The following FUS variants were observed in gnomAD, a reference collection of about 807,000 sequenced individuals.
FUS encodes the protein FUS RNA binding protein, also known as RNA-binding protein FUS.
FUS carries 5 observed loss-of-function variants against 82.7 expected under a neutral mutation model. The observed-to-expected ratio is 0.06, with a 90% CI of 0.03 to 0.13. FUS has a LOEUF of 0.13. Ranked by LOEUF, FUS falls within the 10% of genes least tolerant of loss-of-function variation. FUS has a pLI of 1.00. For synonymous variants in FUS, 281 were observed against 247.4 expected (o/e 1.14, Z -1.27); for missense variants, 512 against 707.8 (o/e 0.72, Z 3.14).
chr16:31,194,771 T>C (rs1467657599), downstream of FUS: 1 of 482,342 alleles, frequency 2.1e-6, no homozygotes, highest in South Asian at 1.5e-5. Context: ...TTGAAATTTA[T>C]GTTATTTCAG....
In FUS at chr16:31,191,103, GATT is replaced by G; in HGVS notation, c.1535_1537del (p.Asp512_Ser513delinsAla). The G allele has an allele frequency of 6.2e-7, 1 of 1,612,706 alleles. No individual in the cohort carries two copies. On this transcript the variant is annotated inframe_deletion, in exon 14 of 15. Coordinates refer to ENST00000254108, the MANE Select transcript of FUS (RefSeq NM_004960.4). Reference sequence around the variant, plus strand: ...AGGTGGCTTTGGCCCTGGCAAGATGGATTCCAGGTAAGACTTTAAATCAGAATA... The same window carrying G: ...AGGTGGCTTTGGCCCTGGCAAGATGGCCAGGTAAGACTTTAAATCAGAATA...
downstream of FUS, chr16:31,193,501 CCT>C (rs1303941298): frequency 3.8e-6 from 2 of 529,046 alleles, no homozygotes; most frequent in East Asian, 8.0e-5. Flanking sequence ...GTTGTGGTCC[CCT>C]GATGCCCTCC....
chr16:31,190,644 T>G lies in FUS; in HGVS notation c.1293-98T>G, dbSNP rs2079340817. On this transcript the variant is annotated intron_variant, in intron 12 of 14. Transcript: ENST00000254108. ...CGTTTTGTCTTTCTGAAGCTTCAGT[T>G]TCCTCACTGTATCTCTAAAGTCACC... 3.9e-6 allele frequency: 5 copies of G among 1,283,378 alleles called. No homozygotes were observed. In the Admixed American group the frequency reaches 5.1e-5, roughly 13 times the overall value. 79.5% of individuals were successfully genotyped at this position (1,283,378 alleles called of 1,614,324 possible).
intron 6 of FUS, chr16:31,185,703 T>C: frequency 2.4e-6 from 1 of 416,980 alleles, no homozygotes; most frequent in Non-Finnish European, 4.9e-6. Flanking sequence ...TGATTTTGTG[T>C]GTGACTTGGT....
intron 4 of FUS, 28 bp from the exon 5 acceptor site, chr16:31,184,181 G>T (rs1198989946): frequency 2.5e-6 from 4 of 1,614,172 alleles, no homozygotes; most frequent in Non-Finnish European, 3.4e-6. Flanking sequence ...CTGGGATTGT[G>T]ATTGTGTTTT....
chr16:31,190,586 A>G, intron 12 of FUS, 156 bp from the exon 13 acceptor site: 3 of 1,166,448 alleles, frequency 2.6e-6, no homozygotes, highest in Non-Finnish European at 3.9e-6. Context: ...GTTCAGTAAT[A>G]CTGATTTTTG....
intron 14 of FUS, 138 bp from the exon 15 acceptor site, chr16:31,191,261 A>AG (rs1491182617): frequency 6.8e-7 from 1 of 1,463,510 alleles, no homozygotes; most frequent in Non-Finnish European, 9.5e-7. Flanking sequence ...AAATTAACTC[A>AG]GGGGGAGTGA....
At chr16:31,190,528 A>G (rs1200256045) in intron 12 of FUS, 130 bp downstream of exon 12, 22 of 1,420,264 alleles carry the variant, frequency 1.5e-5, no homozygotes, top group African/African-American at 4.2e-5. Flanking sequence ...GATTTAGCCA[A>G]AAGCTTACCT....
Position 31,190,944 on chromosome 16 carries a change from C to A in FUS, c.1394-19C>A, listed in dbSNP as rs375732896. The A allele has an allele frequency of 8.7e-6, 14 of 1,610,324 alleles. No homozygotes were observed. Among genetic ancestry groups the A allele is most frequent in the African/African-American group, 2.7e-5 (2 of 74,690 alleles). On this transcript the variant is annotated intron_variant, in intron 13 of 14. Coordinates refer to ENST00000254108, the MANE Select transcript of FUS (RefSeq NM_004960.4). ...ATAGGGGAATGGGAATATGATAGAT[C>A]TTGTTTCTTTTGTCCTAGGGGGTAA...
intron 8 of FUS, 141 bp downstream of exon 8, chr16:31,188,498 C>T: frequency 1.2e-6 from 1 of 868,046 alleles, no homozygotes; most frequent in Non-Finnish European, 1.9e-6. Flanking sequence ...CCTTAGTTAG[C>T]AGTGAGAAGT....
intron 1 of FUS, 137 bp from the exon 2 acceptor site, chr16:31,182,261 G>A (rs778868929): frequency 1.9e-6 from 2 of 1,035,650 alleles, no homozygotes. Flanking sequence ...AAACTGCTGG[G>A]ATTACAGGCA....
At chr16:31,186,060 A>G in intron 6 of FUS, 2 of 236,888 alleles carry the variant, frequency 8.4e-6, no homozygotes, top group Non-Finnish European at 8.3e-6. Context: ...GGCAATCTCA[A>G]AAACGTGCAA....
chr16:31,189,074 T>C, intron 8 of FUS, 49 bp from the exon 9 acceptor site: 1 of 1,444,014 alleles, frequency 6.9e-7, no homozygotes, highest in South Asian at 1.1e-5. Flanking sequence ...TTTTCCTGTG[T>C]TTTTTATTTT....
intron 7 of FUS, chr16:31,187,126 C>T (rs1567474375): frequency 1.9e-6 from 1 of 516,098 alleles, no homozygotes; most frequent in Non-Finnish European, 3.5e-6. Context: ...CACTTAGTGA[C>T]CATCATCATG....
At chr16:31,193,579 T>G (rs1271707744), downstream of FUS, 4 of 529,822 alleles carry the variant, frequency 7.5e-6, no homozygotes, top group East Asian at 1.6e-4. Flanking sequence ...AGTGTCAAGT[T>G]CCTGTGTCCT....
chr16:31,190,910 T>C (rs1227433805), intron 13 of FUS, 53 bp from the exon 14 acceptor site: 4 of 1,612,592 alleles, frequency 2.5e-6, no homozygotes, highest in Non-Finnish European at 3.4e-6. Flanking sequence ...GCGGGGAGGC[T>C]CGGGGAACAT....
chr16:31,185,556 G>C (rs886088044), intron 6 of FUS: 1 of 546,732 alleles, frequency 1.8e-6, no homozygotes, highest in Non-Finnish European at 3.5e-6. Flanking sequence ...AGGGAAACTT[G>C]GTATGTGTAT....
downstream of FUS, chr16:31,193,513 C>T: frequency 1.9e-6 from 1 of 529,504 alleles, no homozygotes; most frequent in Non-Finnish European, 3.7e-6. Context: ...TGATGCCCTC[C>T]TGTTAGGAGT....
intron 7 of FUS, chr16:31,187,212 CTT>C (rs1491301360): frequency 2.6e-6 from 1 of 378,566 alleles, no homozygotes; most frequent in Non-Finnish European, 4.9e-6. Context: ...GTGTCCAAGG[CTT>C]GTGTGTGTGT....
Sources: gnomAD v4.1 joint callset for allele counts on GRCh38, gnomAD v4.1.1 for gene constraint, MANE v1.5 for transcripts, NCBI Gene and HGNC (gene_info 2026-07-23, HGNC 2026-07-21) for gene names.